The following PITPNC1 variants were observed in gnomAD, a reference collection of about 807,000 sequenced individuals.
The protein encoded by PITPNC1 is phosphatidylinositol transfer protein cytoplasmic 1, also known as cytoplasmic phosphatidylinositol transfer protein 1.
Under a neutral mutation model 44.7 loss-of-function variants are expected in PITPNC1, and 18 were observed. The observed-to-expected ratio is 0.40, with a 90% confidence interval of 0.28 to 0.60. The LOEUF is 0.60. PITPNC1 is among the 20% of genes least tolerant of loss of function. PITPNC1 has a pLI of 0.39. For missense variants in PITPNC1, 290 were observed against 418.4 expected (o/e 0.69, Z 2.68); for synonymous variants, 141 against 149.6 (o/e 0.94, Z 0.42).
chr17:67,388,488 A>AT (rs1466619888), intron 1 of PITPNC1, among the ~76,000 whole-genome samples: 1 of 151,406 alleles, frequency 6.6e-6, no homozygotes, highest in East Asian at 1.9e-4. Flanking sequence ...CGCCCGGCTA[A>AT]TTTTTGTATT....
intron 1 of PITPNC1, among the ~76,000 whole-genome samples, chr17:67,462,575 T>C (rs952478269): frequency 6.6e-6 from 1 of 151,936 alleles, no homozygotes; most frequent in Non-Finnish European, 1.5e-5. Context: ...CATGGTTATC[T>C]AGACAAAAAT....
intron 1 of PITPNC1, among the ~76,000 whole-genome samples, chr17:67,385,566 C>T (rs1292382773): frequency 3.3e-5 from 5 of 149,834 alleles, no homozygotes; most frequent in Non-Finnish European, 5.9e-5. Context: ...CACACTAAAT[C>T]TTCCTGCTGT....
chr17:67,463,792 G>A (rs1006324577), intron 1 of PITPNC1, among the ~76,000 whole-genome samples: 8 of 151,792 alleles, frequency 5.3e-5, no homozygotes, highest in Admixed American at 2.6e-4. Context: ...TGGTTCCGGC[G>A]GCTACTTGGG....
intron 1 of PITPNC1, among the ~76,000 whole-genome samples, chr17:67,387,319 A>C (rs1050103667): frequency 6.6e-6 from 1 of 152,176 alleles, no homozygotes; most frequent in Non-Finnish European, 1.5e-5. Flanking sequence ...TGGAAACATC[A>C]CACCCTTAGC....
chr17:67,628,766 G>A (rs1042214551), intron 5 of PITPNC1, among the ~76,000 whole-genome samples: 1 of 152,184 alleles, frequency 6.6e-6, no homozygotes, highest in African/African-American at 2.4e-5. Context: ...CCACCGTGAA[G>A]TGGTTACTGG....
rs191487022 is a variant in PITPNC1, at chr17:67,463,248, G to C, written c.49-69554G>C. Among the ~76,000 whole-genome samples the C allele has an allele frequency of 3.6e-3, 550 of 152,236 alleles. 5 individuals carry two copies. Among genetic ancestry groups the C allele is most frequent in the Admixed American group, 0.026 (394 of 15,290 alleles). The stretch of plus-strand genomic sequence containing the variant: ...AGCTAAACAGGAATGAATATGGATG[G>C]TGTTTCTTTGTGCCTCTGATTGGTG... On this transcript the variant is annotated intron_variant, in intron 1 of 8. Coordinates refer to ENST00000581322, the MANE Select transcript of PITPNC1 (RefSeq NM_012417.4).
At chr17:67,415,680 G>A (rs139308683) in intron 1 of PITPNC1, among the ~76,000 whole-genome samples, 193 of 152,300 alleles carry the variant, frequency 1.3e-3, no homozygotes, top group Non-Finnish European at 2.1e-3. Flanking sequence ...TGGCCTTGGC[G>A]ATGCCCTTAA....
chr17:67,640,151 TTCCAAC>T (rs1050585375), intron 6 of PITPNC1, among the ~76,000 whole-genome samples: 2 of 151,990 alleles, frequency 1.3e-5, no homozygotes, highest in African/African-American at 4.8e-5. Flanking sequence ...TTGCAGTGGG[TTCCAAC>T]TTACTGGGGC....
At chr17:67,583,865 T>TTGTGTGTGTGTGTGTGTGTGTG (rs771258752) in intron 5 of PITPNC1, among the ~76,000 whole-genome samples, 1 of 118,344 alleles carries the variant, frequency 8.4e-6, no homozygotes, top group Non-Finnish European at 1.8e-5. Flanking sequence ...CTGGCTAATT[T>TTGTGTGTGTGTGTGTGTGTGTG]TGTGTGTGTG....
chr17:67,379,334 G>A (rs1175778799), intron 1 of PITPNC1: 1 of 985,378 alleles, frequency 1.0e-6, no homozygotes, highest in Non-Finnish European at 1.2e-6. Context: ...ATGCATAACT[G>A]AGAACATGGC....
intron 6 of PITPNC1, among the ~76,000 whole-genome samples, chr17:67,652,635 G>A (rs972724839): frequency 1.1e-4 from 17 of 152,194 alleles, no homozygotes; most frequent in Non-Finnish European, 1.5e-4. Flanking sequence ...AGCCCCACGC[G>A]TTCCCCACCA....
rs911570049 is a variant in PITPNC1, at chr17:67,687,248, G to A, written c.683-5324G>A. ...CAAATGCACATGTAAACTGATCTGG[G>A]AAATACTGCAGATGCCCGGTTCGCA... On this transcript the variant is annotated intron_variant, in intron 8 of 8. Coordinates refer to ENST00000581322, the MANE Select transcript of PITPNC1 (RefSeq NM_012417.4). 40 of 879,898 alleles carry A rather than the reference G, an allele frequency of 4.5e-5. No individual in the cohort carries two copies. In the African/African-American group the frequency reaches 5.8e-4, roughly 13 times the overall value. 54.5% of individuals were successfully genotyped at this position (879,898 alleles called of 1,614,324 possible). A position where few individuals can be genotyped will look rare whatever the true frequency, so the allele number is the denominator to read the frequency against.
intron 1 of PITPNC1, among the ~76,000 whole-genome samples, chr17:67,449,247 G>C (rs570521826): frequency 6.6e-6 from 1 of 152,230 alleles, no homozygotes; most frequent in Non-Finnish European, 1.5e-5. Context: ...GCCTTATCTT[G>C]CATTTCTTTC....
At position 67,434,157 on chromosome 17, in the gene PITPNC1, C is replaced by T. The variant is rs565583837; in HGVS notation, c.48+55955C>T. Among the ~76,000 whole-genome samples, 13 of 152,274 alleles carry T rather than the reference C, an allele frequency of 8.5e-5. 1 individual carries two copies. The East Asian group carries it at 2.5e-3, about 29-fold the overall frequency. On this transcript the variant is annotated intron_variant, in intron 1 of 8. Transcript: ENST00000581322. ...AAGTCAAGAGCCCAGTGCCTAGAAC[C>T]TGGGCTGCAGACGGGGAATGAGGCT...
intron 1 of PITPNC1, among the ~76,000 whole-genome samples, chr17:67,528,186 C>T (rs546745616): frequency 2.8e-4 from 42 of 152,208 alleles, no homozygotes; most frequent in African/African-American, 8.9e-4. Flanking sequence ...GGATTACAGG[C>T]GTGCACCACC....
chr17:67,388,830 G>A (rs911250435), intron 1 of PITPNC1, among the ~76,000 whole-genome samples: 2 of 152,198 alleles, frequency 1.3e-5, no homozygotes, highest in African/African-American at 4.8e-5. Flanking sequence ...ATGTAGGCCA[G>A]GCTGGTCTCG....
chr17:67,387,288 C>G (rs1414666203), intron 1 of PITPNC1, among the ~76,000 whole-genome samples: 1 of 152,168 alleles, frequency 6.6e-6, no homozygotes, highest in Non-Finnish European at 1.5e-5. Context: ...AAAGTTTATA[C>G]CAAACTCATG....
chr17:67,477,550 A>G (rs2039647417), intron 1 of PITPNC1, among the ~76,000 whole-genome samples: 1 of 150,002 alleles, frequency 6.7e-6, no homozygotes, highest in African/African-American at 2.4e-5. Context: ...CAGCCTGCCC[A>G]GCTCATTTTT....
intron 5 of PITPNC1, among the ~76,000 whole-genome samples, chr17:67,610,362 A>G (rs1307332783): frequency 6.6e-6 from 1 of 152,224 alleles, no homozygotes; most frequent in Non-Finnish European, 1.5e-5. Flanking sequence ...CTGAGGCAAG[A>G]TTCTCAAAAT....
Sources: gnomAD v4.1 joint callset for allele counts (sites outside exome capture counted in the v4.1 genomes callset) on GRCh38, gnomAD v4.1.1 for gene constraint, MANE v1.5 for transcripts, NCBI Gene and HGNC (gene_info 2026-07-23, HGNC 2026-07-21) for gene names.